The following ZFAND3 variants were observed in gnomAD, a reference collection of about 807,000 sequenced individuals.
ZFAND3 encodes the protein zinc finger AN1-type containing 3, also known as AN1-type zinc finger protein 3.
ZFAND3 carries 10 observed loss-of-function variants against 29.6 expected under a neutral mutation model. That is an observed-to-expected ratio of 0.34 (90% CI 0.21 to 0.57). ZFAND3 has a LOEUF of 0.57. Among genes scored for constraint, ZFAND3 ranks in the 20% least tolerant of loss-of-function variants. ZFAND3 has a pLI of 0.86. For missense variants in ZFAND3, 230 were observed against 304.5 expected (o/e 0.76, Z 1.82); for synonymous variants, 128 against 112.6 (o/e 1.14, Z -0.87).
chr6:38,063,938 A>C (rs1031628008), intron 3 of ZFAND3, among the ~76,000 whole-genome samples: 3 of 151,828 alleles, frequency 2.0e-5, no homozygotes, highest in East Asian at 3.9e-4. Flanking sequence ...AAGGTGTAGA[A>C]ATCATATAAG....
intron 5 of ZFAND3, among the ~76,000 whole-genome samples, chr6:38,129,667 C>A (rs1011700427): frequency 6.6e-6 from 1 of 152,068 alleles, no homozygotes; most frequent in African/African-American, 2.4e-5. Context: ...TGTTGTTTTC[C>A]GTTCGTCTGT....
chr6:37,934,838 CAAAAAAAAAAAAAAA>C (rs61670894), intron 2 of ZFAND3, among the ~76,000 whole-genome samples: 7 of 70,642 alleles, frequency 9.9e-5, no homozygotes, highest in South Asian at 7.1e-4. Context: ...GACTCTGTCT[CAAAAAAAAAAAAAAA>C]AAAAAAAAAA....
chr6:38,077,870 C>G (rs909059155), intron 3 of ZFAND3, among the ~76,000 whole-genome samples: 1 of 152,208 alleles, frequency 6.6e-6, no homozygotes, highest in East Asian at 1.9e-4. Flanking sequence ...GAGTTGTAGT[C>G]TTCAACTAGC....
At chr6:37,955,993 G>A (rs1327665958) in intron 2 of ZFAND3, among the ~76,000 whole-genome samples, 2 of 152,110 alleles carry the variant, frequency 1.3e-5, no homozygotes, top group African/African-American at 2.4e-5. Flanking sequence ...GAGTCGGGGT[G>A]GAGGGTTGTT....
chr6:38,030,544 A>G (rs1009534294), intron 2 of ZFAND3, among the ~76,000 whole-genome samples: 1 of 152,194 alleles, frequency 6.6e-6, no homozygotes, highest in African/African-American at 2.4e-5. Flanking sequence ...AGAAAAGGAC[A>G]CATTTCATTC....
intron 3 of ZFAND3, among the ~76,000 whole-genome samples, chr6:38,067,599 A>G (rs1278259532): frequency 4.6e-5 from 7 of 152,198 alleles, no homozygotes; most frequent in South Asian, 4.1e-4. Flanking sequence ...CTGCCTATTT[A>G]CTGTTCTCCC....
intron 1 of ZFAND3, among the ~76,000 whole-genome samples, chr6:37,853,867 A>T (rs572443309): frequency 6.6e-6 from 1 of 152,180 alleles, no homozygotes. Context: ...TACAATGTCT[A>T]TTGTATTTTC....
At position 38,154,557 on chromosome 6, in the gene ZFAND3, T is replaced by G. The variant is rs1766313353; in HGVS notation, c.*2168T>G. 1.0e-6 allele frequency: 1 copy of G among 973,256 alleles called. No homozygotes were observed. Among genetic ancestry groups the G allele is most frequent in the South Asian group, 4.8e-5 (1 of 21,016 alleles). 60.3% of individuals were successfully genotyped at this position (973,256 alleles called of 1,614,324 possible). ...TTTAGTTTTAACATTGTGAAAATAT[T>G]AAAAGAATCTTGTAACTTTATTCTT... is the stretch of plus-strand genomic sequence containing the variant. On this transcript the variant is annotated 3_prime_UTR_variant, in exon 6 of 6. Coordinates refer to ENST00000287218, the MANE Select transcript of ZFAND3 (RefSeq NM_021943.3).
intron 2 of ZFAND3, among the ~76,000 whole-genome samples, chr6:37,937,356 C>T (rs1761716369): frequency 6.6e-6 from 1 of 151,922 alleles, no homozygotes; most frequent in Admixed American, 6.6e-5. Flanking sequence ...TCACCTTTTC[C>T]CAAAAGAAAG....
At chr6:38,106,453 A>G (rs944958828) in intron 4 of ZFAND3, among the ~76,000 whole-genome samples, 2 of 152,216 alleles carry the variant, frequency 1.3e-5, no homozygotes, top group African/African-American at 4.8e-5. Context: ...CCCGGCCTAC[A>G]AATGACATTC....
chr6:37,983,653 AC>A (rs563365034), intron 2 of ZFAND3, among the ~76,000 whole-genome samples: 188 of 132,968 alleles, frequency 1.4e-3, no homozygotes, highest in Middle Eastern at 3.5e-3. Context: ...GCCACCCCCC[AC>A]CCCTGGCCCC....
chr6:38,120,622 G>A lies in ZFAND3; in HGVS notation c.529+3883G>A, dbSNP rs374194076. 1.8e-4 allele frequency among the ~76,000 whole-genome samples: 28 copies of A among 152,138 alleles called. 1 individual carries two copies. In the South Asian group the frequency reaches 5.0e-3, roughly 27 times the overall value. On this transcript the variant is annotated intron_variant, in intron 5 of 5. Transcript: ENST00000287218. ...ATTACAGGCATGATCCACCACGCCC[G>A]GCCTTCTTGGCTTCTTAATCACTGT...
At chr6:37,867,729 T>C (rs1764614262) in intron 1 of ZFAND3, among the ~76,000 whole-genome samples, 1 of 152,218 alleles carries the variant, frequency 6.6e-6, no homozygotes, top group South Asian at 2.1e-4. Context: ...ATTGTCACAA[T>C]AAGAACCAGT....
chr6:37,941,188 A>G (rs1761804215), intron 2 of ZFAND3, among the ~76,000 whole-genome samples: 1 of 152,230 alleles, frequency 6.6e-6, no homozygotes, highest in African/African-American at 2.4e-5. Context: ...TGATCAATGG[A>G]AGTTTAGACT....
intron 2 of ZFAND3, among the ~76,000 whole-genome samples, chr6:37,956,689 A>T (rs1762090770): frequency 6.6e-6 from 1 of 152,186 alleles, no homozygotes; most frequent in African/African-American, 2.4e-5. Flanking sequence ...AAAGCTGTGG[A>T]TCCCTTCAGA....
chr6:37,936,262 A>C (rs1431978872), intron 2 of ZFAND3, among the ~76,000 whole-genome samples: 1 of 152,202 alleles, frequency 6.6e-6, no homozygotes, highest in Admixed American at 6.5e-5. Context: ...CTAATGTGAC[A>C]CCATCTCTAT....
At chr6:37,951,597 A>T (rs1305916712) in intron 2 of ZFAND3, among the ~76,000 whole-genome samples, 1 of 152,186 alleles carries the variant, frequency 6.6e-6, no homozygotes, top group Non-Finnish European at 1.5e-5. Flanking sequence ...TGTCTAAAAA[A>T]AATAAAAATA....
chr6:37,998,481 G>C (rs1396764278), intron 2 of ZFAND3, among the ~76,000 whole-genome samples: 1 of 151,014 alleles, frequency 6.6e-6, no homozygotes, highest in African/African-American at 2.4e-5. Context: ...AGGATAGAAT[G>C]CAGAATGTTT....
At chr6:37,967,207 T>G (rs1355878683) in intron 2 of ZFAND3, among the ~76,000 whole-genome samples, 1 of 152,234 alleles carries the variant, frequency 6.6e-6, no homozygotes, top group East Asian at 1.9e-4. Context: ...TTTACTCATT[T>G]AATTTGTATC....
Sources: allele counts gnomAD v4.1 joint callset (sites outside exome capture counted in the v4.1 genomes callset), GRCh38; gene constraint gnomAD v4.1.1; transcripts MANE v1.5; gene names NCBI Gene and HGNC (gene_info 2026-07-23, HGNC 2026-07-21).